SLC6A18: variants seen among roughly 807,000 people sequenced by gnomAD.
SLC6A18 encodes solute carrier family 6 member 18, also known as inactive sodium-dependent neutral amino acid transporter B(0)AT3.
In SLC6A18, 58 loss-of-function variants were observed where a neutral mutation model predicts 62.9. The observed-to-expected ratio is 0.92, with a 90% CI of 0.75 to 1.15. The LOEUF (loss-of-function observed/expected upper bound fraction) is 1.15. SLC6A18 is among the 50% of genes most tolerant of loss of function. SLC6A18 has a pLI of 0.00. For synonymous variants in SLC6A18, 382 were observed against 365.8 expected (o/e 1.04, Z -0.51); for missense variants, 793 against 836.6 (o/e 0.95, Z 0.64).
rs1054124022 is a variant in SLC6A18, at chr5:1,244,472, C to T, written c.1496+99C>T. On this transcript the variant is annotated intron_variant, in intron 10 of 11. Transcript: ENST00000324642. Reference sequence around the variant, plus strand: ...TTCAACCCGCAGCTGCCCAGACCGCCGAGAATGTTCTGCCCTGGGGAGCTG... The same window carrying T: ...TTCAACCCGCAGCTGCCCAGACCGCTGAGAATGTTCTGCCCTGGGGAGCTG... 5.8e-6 allele frequency: 9 copies of T among 1,561,320 alleles called. No homozygotes were observed. In the East Asian group the frequency reaches 6.7e-5, roughly 12 times the overall value.
chr5:1,233,933 G>C (rs539783475), intron 3 of SLC6A18, among the ~76,000 whole-genome samples: 5 of 152,158 alleles, frequency 3.3e-5, no homozygotes, highest in East Asian at 1.9e-4. Context: ...AGTAGAGACG[G>C]GGTTTCACCA....
intron 4 of SLC6A18, among the ~76,000 whole-genome samples, chr5:1,237,431 TA>T (rs1285729342): frequency 2.0e-5 from 3 of 151,648 alleles, no homozygotes; most frequent in Admixed American, 6.6e-5. Context: ...GGGTACAGGG[TA>T]GGTGCAGCCA....
rs780427201 is a variant in SLC6A18, at chr5:1,246,059, C to G, written c.1868C>G (p.Pro623Arg). 22 of 1,585,424 alleles carry G rather than the reference C, an allele frequency of 1.4e-5. No individual in the cohort carries two copies. Among genetic ancestry groups the G allele is most frequent in the Non-Finnish European group, 1.8e-5 (21 of 1,172,122 alleles). ...TDTRPDTDMR[P>R]DTDMR is the part of the protein sequence containing the mutation. ...ACGCGCCCAGACACGGACATGCGCCCGGACACGGACATGCGCTGAAGCCGG... is the reference window on the plus strand; with the variant it reads ...ACGCGCCCAGACACGGACATGCGCCGGGACACGGACATGCGCTGAAGCCGG... The change falls in exon 12 of 12, where the codon CCG becomes CGG. Residue 623 changes from proline to arginine, a missense_variant. By Grantham distance (103) the Pro-to-Arg change is moderately radical (BLOSUM62 -2). Transcript: ENST00000324642.
intron 1 of SLC6A18, among the ~76,000 whole-genome samples, chr5:1,228,728 CG>C (rs1363614327): frequency 3.3e-5 from 5 of 152,182 alleles, no homozygotes; most frequent in Admixed American, 3.3e-4. Flanking sequence ...AAAAATTAGC[CG>C]GGCGTGCTGG....
chr5:1,242,729 G>A lies in SLC6A18; in HGVS notation c.997G>A (p.Asp333Asn), dbSNP rs935519789. 1 of 1,611,820 alleles carries A rather than the reference G, an allele frequency of 6.2e-7. No homozygotes were observed. Among genetic ancestry groups the A allele is most frequent in the South Asian group, 1.1e-5 (1 of 90,896 alleles). ...LDRNILSLIN[D>N]FDFPEQSISR... ...CAGAAACATCCTCAGCCTCATCAAC[G>A]ACTTTGACTTCCCAGAGCAGAGCAT... Residue 333 changes from aspartate (D) to asparagine (N), a missense_variant, in exon 8 of 12, where the codon GAC (aspartate) becomes AAC (asparagine). Coordinates refer to ENST00000324642, the MANE Select transcript of SLC6A18 (RefSeq NM_182632.3).
chr5:1,235,487 T>G lies in SLC6A18; in HGVS notation c.446T>G (p.Val149Gly), dbSNP rs995217634. Residue 149 changes from valine to glycine, a missense_variant, in exon 4 of 12, where the codon GTG (valine) becomes GGG (glycine). Val to Gly is a moderately radical substitution (Grantham distance 109). Transcript: ENST00000324642. ...ACAGGCCCCCTGGTTTCAGGGTTTGTGGAGGAGTGCCAGGGCAGCAGCGCC... is the reference window on the plus strand; with the variant it reads ...ACAGGCCCCCTGGTTTCAGGGTTTGGGGAGGAGTGCCAGGGCAGCAGCGCC... Reference protein sequence around the residue: ...CPPDLNRTGFVEECQGSSAVS... With the variant: ...CPPDLNRTGFGEECQGSSAVS... 1.2e-6 allele frequency: 2 copies of G among 1,613,656 alleles called. No individual in the cohort carries two copies. Among genetic ancestry groups the G allele is most frequent in the Non-Finnish European group, 1.7e-6 (2 of 1,179,804 alleles).
intron 6 of SLC6A18, among the ~76,000 whole-genome samples, chr5:1,240,289 T>A (rs1043409523): frequency 1.3e-5 from 2 of 152,192 alleles, no homozygotes; most frequent in Non-Finnish European, 2.9e-5. Flanking sequence ...AAGGCCTTGG[T>A]GGGGGTGTGA....
At chr5:1,227,922 C>T (rs1056677712) in intron 1 of SLC6A18, among the ~76,000 whole-genome samples, 15 of 152,152 alleles carry the variant, frequency 9.9e-5, no homozygotes, top group African/African-American at 3.4e-4. Flanking sequence ...AGCTGGTGGC[C>T]CTGGGCTGGC....
At chr5:1,237,240 CA>C (rs61528804) in intron 4 of SLC6A18, among the ~76,000 whole-genome samples, 32,302 of 76,004 alleles carry the variant, frequency 0.43, 4,448 homozygotes, top group East Asian at 0.65. Flanking sequence ...GACTCTGTCT[CA>C]AAAAAAAAAA....
In SLC6A18 at chr5:1,230,355, C is replaced by T. The variant is rs756406277; in HGVS notation, c.161-1864C>T. ...CCTGGGGTGCCCTGGGTTTTGTTCC[C>T]TTTTGCTCCAGGCCCTGGCCACAGC... On this transcript the variant is annotated intron_variant, in intron 1 of 11. Coordinates refer to ENST00000324642, the MANE Select transcript of SLC6A18 (RefSeq NM_182632.3). 6.6e-5 allele frequency among the ~76,000 whole-genome samples: 10 copies of T among 152,140 alleles called. 1 individual carries two copies. The highest frequency in any genetic ancestry group is 9.7e-5 in the African/African-American group (4 of 41,412).
Position 1,244,290 on chromosome 5 carries a change from C to T in SLC6A18, c.1413C>T (p.Phe471=), listed in dbSNP as rs775292128. The change falls in exon 10 of 12, where the codon TTC becomes TTT. Residue 471 remains phenylalanine (F), a synonymous_variant. Transcript: ENST00000324642. The stretch of plus-strand genomic sequence containing the variant: ...CTGGGAACTACTGGCTGGAGATTTT[C>T]GACAATTTTGCCGCTTCCCCGAACC... The part of the protein sequence containing the change: ...LQSGNYWLEI[F]DNFAASPNLL... 15 of 1,613,640 alleles carry T rather than the reference C, an allele frequency of 9.3e-6. No individual in the cohort carries two copies. The African/African-American group carries it at 1.2e-4, about 13-fold the overall frequency.
rs762091281 is a variant in SLC6A18, at chr5:1,242,868, C to T, written c.1131+5C>T. The T allele has an allele frequency of 8.7e-6, 14 of 1,603,800 alleles. No homozygotes were observed. The highest frequency in any genetic ancestry group is 7.8e-5 in the South Asian group (7 of 89,816). On this transcript the variant is annotated splice_donor_5th_base_variant and intron_variant, in intron 8 of 11. Coordinates refer to ENST00000324642, the MANE Select transcript of SLC6A18 (RefSeq NM_182632.3). ...CTGGAAGACTTTCTGGATAAGGTAC[C>T]TGCACACCCCCTGGGGTAGCCAGGC...
chr5:1,235,623 G>A lies in SLC6A18; in HGVS notation c.582G>A (p.Val194=), dbSNP rs1355594382. The change falls in exon 4 of 12, where the codon GTG becomes GTA. Residue 194 remains valine (V), a synonymous_variant. Coordinates refer to ENST00000324642, the MANE Select transcript of SLC6A18 (RefSeq NM_182632.3). ...LICLAASWAV[V]YMCVIRGIET... ...GCTTGGCAGCCTCCTGGGCAGTCGT[G>A]TACATGTGTGTCATCAGGGGCATTG... 1 of 1,614,018 alleles carries A rather than the reference G, an allele frequency of 6.2e-7. No individual in the cohort carries two copies. Among genetic ancestry groups the A allele is most frequent in the South Asian group, 1.1e-5 (1 of 91,086 alleles).
At chr5:1,236,793 T>C (rs1026484865) in intron 4 of SLC6A18, among the ~76,000 whole-genome samples, 1 of 149,430 alleles carries the variant, frequency 6.7e-6, no homozygotes, top group African/African-American at 2.5e-5. Flanking sequence ...CAGTGCCCCA[T>C]GCCCTGTGCA....
rs113311799 is a variant in SLC6A18, at chr5:1,229,749, G to A, written c.161-2470G>A. Among the ~76,000 whole-genome samples the A allele has an allele frequency of 4.4e-3, 666 of 150,054 alleles. 4 individuals are homozygous for A. Among genetic ancestry groups the A allele is most frequent in the African/African-American group, 0.015 (632 of 40,814 alleles). ...AGACCTCAGGTGCAGGCTGGAGGTC[G>A]GGGGGAAGAAGGCCTCCACGGTGCA... On this transcript the variant is annotated intron_variant, in intron 1 of 11. Transcript: ENST00000324642.
intron 11 of SLC6A18, among the ~76,000 whole-genome samples, 154 bp downstream of exon 11, chr5:1,244,921 G>T (rs1205554424): frequency 6.7e-6 from 1 of 150,012 alleles, no homozygotes; most frequent in African/African-American, 2.5e-5. Flanking sequence ...AAACTGGGAA[G>T]CCAGGGATGT....
chr5:1,227,015 C>CTTGCCCGCT (rs1746595310), intron 1 of SLC6A18, among the ~76,000 whole-genome samples: 4 of 150,198 alleles, frequency 2.7e-5, no homozygotes, highest in Non-Finnish European at 5.9e-5. Context: ...CCTTGCCCGC[C>CTTGCCCGCT]GACGCGCCCA....
At chr5:1,242,447 A>T (rs1381865504) in intron 7 of SLC6A18, among the ~76,000 whole-genome samples, 2 of 30,320 alleles carry the variant, frequency 6.6e-5, no homozygotes, top group Admixed American at 4.6e-4. Context: ...CAGGGGCAGG[A>T]GGCGTCCACA....
Position 1,243,688 on chromosome 5 carries a change from TGGA to T in SLC6A18, c.1268_1270del (p.Glu423del). ...GGGCTATCGACCATGTTCGGGACCG[TGGA>T]GGCGGTCATCACACCCCTGCTGGAC... is the stretch of plus-strand genomic sequence containing the variant. On this transcript the variant is annotated inframe_deletion, in exon 9 of 12. Transcript: ENST00000324642. The surrounding 1 kb of genome is among the most constrained non-coding windows in gnomAD (Gnocchi z 6.5). 6.2e-7 allele frequency: 1 copy of T among 1,613,950 alleles called. No homozygotes were observed. Among genetic ancestry groups the T allele is most frequent in the Non-Finnish European group, 8.5e-7 (1 of 1,179,958 alleles).
Sources: gnomAD v4.1 joint callset for allele counts (sites outside exome capture counted in the v4.1 genomes callset) on GRCh38, gnomAD v4.1.1 for gene constraint, Gnocchi (gnomAD v3.1) non-coding constraint, MANE v1.5 for transcripts, NCBI Gene and HGNC (gene_info 2026-07-23, HGNC 2026-07-21) for gene names.